Variants in COQ6 observed in about 807,000 individuals in gnomAD.
The protein encoded by COQ6 is coenzyme Q6, monooxygenase, also known as ubiquinone biosynthesis monooxygenase COQ6, mitochondrial.
COQ6 carries 45 observed loss-of-function variants against 55.5 expected under a neutral mutation model. The observed-to-expected ratio is 0.81, with a 90% CI of 0.64 to 1.04. COQ6 has a LOEUF of 1.04. COQ6 is among the 50% of genes least tolerant of loss of function. COQ6 has a pLI of 0.00. For missense variants in COQ6, 550 were observed against 601.3 expected (o/e 0.91, Z 0.89); for synonymous variants, 206 against 230.5 (o/e 0.89, Z 0.96).
chr14:73,961,233 G>GT lies in COQ6; in HGVS notation c.953dup (p.Ser319GlnfsTer7). 6.2e-7 allele frequency: 1 copy of GT among 1,614,130 alleles called. No homozygotes were observed. Among genetic ancestry groups the GT allele is most frequent in the Non-Finnish European group, 8.5e-7 (1 of 1,180,008 alleles). On this transcript the variant is annotated frameshift_variant, in exon 9 of 12. Transcript: ENST00000334571. LOFTEE classifies it high-confidence loss of function. ...AGCTGGTGCCATGCTGCAGTATGCT[G>GT]TCAGCCTTCTGAAGCCCACTAAGGT...
At chr14:73,953,638 G>A (rs2056286326) in intron 2 of COQ6, 69 bp downstream of exon 2, 23 of 1,595,318 alleles carry the variant, frequency 1.4e-5, no homozygotes, top group Non-Finnish European at 1.9e-5. Context: ...TATCCCATGG[G>A]GCAGAGTCAT....
intron 8 of COQ6, chr14:73,960,488 C>T: frequency 5.0e-6 from 5 of 994,940 alleles, no homozygotes; most frequent in Non-Finnish European, 6.0e-6. Context: ...ATAAAGGGAA[C>T]TGAACATACT....
chr14:73,959,586 T>G, intron 8 of COQ6, 64 bp downstream of exon 8: 1 of 1,612,980 alleles, frequency 6.2e-7, no homozygotes, highest in Non-Finnish European at 8.5e-7. Context: ...GTGTTGTTTT[T>G]TTTTTTTTGA....
At chr14:73,953,236 T>A (rs776562424) in intron 1 of COQ6, among the ~76,000 whole-genome samples, 199 bp from the exon 2 acceptor site, 58 of 152,278 alleles carry the variant, frequency 3.8e-4, no homozygotes, top group South Asian at 8.3e-4. Flanking sequence ...GGAGAAGTCT[T>A]ACAGTTGTGG....
chr14:73,950,483 G>T lies in COQ6; in HGVS notation c.151G>T (p.Ala51Ser). 6.2e-7 allele frequency: 1 copy of T among 1,608,188 alleles called. No individual in the cohort carries two copies. Among genetic ancestry groups the T allele is most frequent in the Non-Finnish European group, 8.5e-7 (1 of 1,178,092 alleles). ...TGGAGGCCTGGTGGGCGCTGCCATG[G>T]CCTGTGCCTTGGGTAAGCCCTTCTC... ...SGGGLVGAAM[A>S]CALGYDIHFH... Residue 51 changes from alanine to serine, a missense_variant, in exon 1 of 12, where the codon GCC (alanine) becomes TCC (serine). Transcript: ENST00000334571.
At chr14:73,956,222 G>GA (rs2056430239) in intron 4 of COQ6, 1 of 353,316 alleles carries the variant, frequency 2.8e-6, no homozygotes, top group Admixed American at 3.8e-5. Context: ...CAGCTACTTG[G>GA]GAGGCTGAGG....
At chr14:73,956,722 T>C (rs893183564) in intron 4 of COQ6, 3 of 152,202 alleles carry the variant, frequency 2.0e-5, no homozygotes, top group African/African-American at 7.2e-5. Flanking sequence ...GTTTTTGAGT[T>C]ATAGGAGTTC....
chr14:73,953,952 C>T, intron 2 of COQ6: 1 of 320,932 alleles, frequency 3.1e-6, no homozygotes, highest in Admixed American at 4.2e-5. Flanking sequence ...CGTGAAATTC[C>T]CTTGGGGTGC....
chr14:73,955,982 T>C lies in COQ6; in HGVS notation c.481+54T>C, dbSNP rs766682916. Reference sequence around the variant, plus strand: ...CATTGGGAAGTGAACTGCTTAGGACTTACTGGAAGAAAGGATCTCTTTTAC... The same window carrying C: ...CATTGGGAAGTGAACTGCTTAGGACCTACTGGAAGAAAGGATCTCTTTTAC... On this transcript the variant is annotated intron_variant, in intron 4 of 11. Transcript: ENST00000334571. 135 of 1,609,916 alleles carry C rather than the reference T, an allele frequency of 8.4e-5. 3 individuals carry two copies. Among genetic ancestry groups the C allele is most frequent in the Admixed American group, 4.8e-4 (29 of 59,966 alleles).
chr14:73,955,956 T>G, intron 4 of COQ6, 28 bp downstream of exon 4: 1 of 1,613,658 alleles, frequency 6.2e-7, no homozygotes. Context: ...CACCTTGCAT[T>G]CATTGGGAAG....
chr14:73,960,152 G>C (rs2056646597), intron 8 of COQ6: 1 of 988,408 alleles, frequency 1.0e-6, no homozygotes, highest in Non-Finnish European at 1.2e-6. Flanking sequence ...TTTCAAGCCT[G>C]ATTCATTGAA....
chr14:73,963,479 T>A lies in COQ6; in HGVS notation c.*480T>A. The stretch of plus-strand genomic sequence containing the variant: ...GCTTTAACCTTTGTTACAGGTATAC[T>A]GGACTTTCTGAAAGGAAAACCAGGT... On this transcript the variant is annotated 3_prime_UTR_variant, in exon 12 of 12. Coordinates refer to ENST00000334571, the MANE Select transcript of COQ6 (RefSeq NM_182476.3). The A allele has an allele frequency of 5.4e-6, 1 of 184,530 alleles. No homozygotes were observed. The highest frequency in any genetic ancestry group is 1.1e-5 in the Non-Finnish European group (1 of 89,216). 11.4% of individuals were successfully genotyped at this position (184,530 alleles called of 1,614,324 possible). A position where few individuals can be genotyped will look rare whatever the true frequency, so the allele number is the denominator to read the frequency against.
intron 2 of COQ6, chr14:73,953,834 A>T (rs1566683050): frequency 1.8e-6 from 1 of 551,838 alleles, no homozygotes; most frequent in African/African-American, 1.9e-5. Flanking sequence ...TTGTGTCATT[A>T]TGAATTGGTG....
In COQ6 at chr14:73,950,434, C is replaced by T. The variant is rs1444881014; in HGVS notation, c.102C>T (p.Thr34=). ...GGTGGTCCGGCGCCTCAACAGACACCGTGTATGACGTGGTGGTGTCGGGTG... is the reference window on the plus strand; with the variant it reads ...GGTGGTCCGGCGCCTCAACAGACACTGTGTATGACGTGGTGGTGTCGGGTG... ...WRRWSGASTD[T]VYDVVVSGGG... is the part of the protein sequence containing the mutation. Residue 34 remains threonine, a synonymous_variant, in exon 1 of 12, where the codon ACC becomes ACT. Coordinates refer to ENST00000334571, the MANE Select transcript of COQ6 (RefSeq NM_182476.3). 3.1e-6 allele frequency: 5 copies of T among 1,607,862 alleles called. No individual in the cohort carries two copies. In the East Asian group the frequency reaches 9.0e-5, roughly 29 times the overall value.
chr14:73,957,475 GTGTTT>G (rs888735957), intron 4 of COQ6, among the ~76,000 whole-genome samples: 12 of 152,226 alleles, frequency 7.9e-5, no homozygotes, highest in East Asian at 5.8e-4. Context: ...TTTGGAGATA[GTGTTT>G]TGTTTTGTTT....
At position 73,963,028 on chromosome 14, in the gene COQ6, T is replaced by G; in HGVS notation, c.*29T>G. ...CTCCTCTCCTAAAGAAAGATTACGT[T>G]GATGAAAAAGAACATCCTGCCCAGG... On this transcript the variant is annotated 3_prime_UTR_variant, in exon 12 of 12. Transcript: ENST00000334571. The G allele has an allele frequency of 6.4e-7, 1 of 1,572,130 alleles. No individual in the cohort carries two copies.
intron 2 of COQ6, 127 bp downstream of exon 2, chr14:73,953,696 G>A (rs1287729373): frequency 5.6e-6 from 7 of 1,248,640 alleles, no homozygotes; most frequent in Admixed American, 1.8e-5. Flanking sequence ...TGGAGAGAGG[G>A]GGTGGGATTG....
At chr14:73,956,071 TC>T (rs2056417848) in intron 4 of COQ6, 143 bp downstream of exon 4, 1 of 1,211,372 alleles carries the variant, frequency 8.3e-7, no homozygotes, top group Non-Finnish European at 1.2e-6. Context: ...ACGCCTGTAA[TC>T]CCAGCACTTT....
At chr14:73,955,101 C>T (rs1040325983) in intron 2 of COQ6, among the ~76,000 whole-genome samples, 6 of 151,210 alleles carry the variant, frequency 4.0e-5, no homozygotes, top group Non-Finnish European at 5.9e-5. Context: ...TACAGGCGCC[C>T]GCCACCACGC....
Sources: gnomAD v4.1 joint callset for allele counts (sites outside exome capture counted in the v4.1 genomes callset) on GRCh38, gnomAD v4.1.1 for gene constraint, MANE v1.5 for transcripts, NCBI Gene and HGNC (gene_info 2026-07-23, HGNC 2026-07-21) for gene names.